The following STAMBP variants were observed in gnomAD, a reference collection of about 807,000 sequenced individuals.
STAMBP encodes the protein STAM-binding protein.
A neutral mutation model predicts 50.7 loss-of-function variants in STAMBP; 31 were observed. The ratio of observed to expected loss-of-function variants is 0.61; its 90% CI spans 0.46 to 0.83. STAMBP has a LOEUF of 0.83. STAMBP is among the 40% of genes least tolerant of loss of function. The pLI, the probability that STAMBP is intolerant of heterozygous loss-of-function variation, is 0.00. For synonymous variants in STAMBP, 211 were observed against 192.4 expected, an observed-to-expected ratio of 1.10 and a Z score of -0.80; for missense variants, 472 against 518.9, an observed-to-expected ratio of 0.91 and a Z score of 0.88.
downstream of STAMBP, among the ~76,000 whole-genome samples, chr2:73,871,641 C>G (rs899430911): frequency 2.0e-5 from 3 of 151,988 alleles, no homozygotes; most frequent in South Asian, 4.1e-4. Context: ...CCATTGTCAT[C>G]AAGGCTAATT....
rs1301669549 is a variant in STAMBP at position 73,850,873 on chromosome 2, A to C, written c.1005+360A>C. Among the ~76,000 whole-genome samples the C allele has an allele frequency of 6.6e-6, 1 of 152,190 alleles. No individual in the cohort carries two copies. The highest frequency in any genetic ancestry group is 1.5e-5 in the Non-Finnish European group (1 of 68,028). On this transcript the variant is annotated intron_variant, in intron 7 of 9. Transcript: ENST00000394070. This position sits in a 1 kb window ranked among gnomAD's most constrained non-coding sequence, Gnocchi z 4.3. ...CAGATGATGTTCCTTAAAGGTATAT[A>C]ATTCAAAATATTTTAAATGAGCCAA...
chr2:73,860,826 T>G (rs940087698), intron 9 of STAMBP, among the ~76,000 whole-genome samples: 1 of 152,138 alleles, frequency 6.6e-6, no homozygotes, highest in Non-Finnish European at 1.5e-5. Flanking sequence ...GAAAAGGGAC[T>G]AAGAACCTTG....
rs1674416702 is a variant in STAMBP, at chr2:73,834,237, ATATATATATATATATATATATATATATAT to A, written c.203+3179_203+3207del. 8.0e-4 allele frequency among the ~76,000 whole-genome samples: 9 copies of A among 11,216 alleles called. 1 individual carries two copies. Among genetic ancestry groups the A allele is most frequent in the South Asian group, 9.0e-3 (2 of 222 alleles). 7.4% of individuals were successfully genotyped at this position (11,216 alleles called of 152,430 possible). On this transcript the variant is annotated intron_variant, in intron 2 of 9. Coordinates refer to ENST00000394070, the MANE Select transcript of STAMBP (RefSeq NM_213622.4). Reference sequence around the variant, plus strand: ...AAAAAAAAAAAAAAAAAAAAAAAAAATATATATATATATATATATATATATATATATATATATATATATATATATAAAGT... The same window carrying A: ...AAAAAAAAAAAAAAAAAAAAAAAAAAATATATATATATATATATATAAAGT...
intron 7 of STAMBP, among the ~76,000 whole-genome samples, chr2:73,856,608 G>A (rs986234361): frequency 1.3e-5 from 2 of 152,148 alleles, no homozygotes; most frequent in African/African-American, 4.8e-5. Context: ...AATTGTTGAG[G>A]ACACCCACCT....
intron 5 of STAMBP, 84 bp from the exon 6 acceptor site, chr2:73,849,279 G>T: frequency 1.2e-6 from 2 of 1,600,780 alleles, no homozygotes; most frequent in Non-Finnish European, 1.7e-6. Flanking sequence ...GCTTAATGTT[G>T]CTCCTCCAGG....
At position 73,860,074 on chromosome 2, in the gene STAMBP, G is replaced by T; in HGVS notation, c.1141G>T (p.Asp381Tyr). The T allele has an allele frequency of 6.2e-7, 1 of 1,611,354 alleles. No individual in the cohort carries two copies. The highest frequency in any genetic ancestry group is 8.5e-7 in the Non-Finnish European group (1 of 1,179,898). ...FQETGFFKLT[D>Y]HGLEEISSCR... ...CAGAACTGGATTCTTTAAACTAACT[G>T]ACCATGGACTAGAGGAGATTTCTTC... is the stretch of plus-strand genomic sequence containing the variant. The change falls in exon 9 of 10, where the codon GAC (aspartate) becomes TAC (tyrosine). Residue 381 changes from aspartate to tyrosine, a missense_variant. Physicochemically the swap from Asp to Tyr is radical, Grantham distance 160. Coordinates refer to ENST00000394070, the MANE Select transcript of STAMBP (RefSeq NM_213622.4).
rs1481616575 is a variant in STAMBP, at chr2:73,864,419, G to C, written c.*2160G>C. 6.6e-6 allele frequency: 1 copy of C among 152,146 alleles called. No individual in the cohort carries two copies. Among genetic ancestry groups the C allele is most frequent in the Non-Finnish European group, 1.5e-5 (1 of 68,038 alleles). 9.4% of individuals were successfully genotyped at this position (152,146 alleles called of 1,614,324 possible). On this transcript the variant is annotated 3_prime_UTR_variant, in exon 10 of 10. Coordinates refer to ENST00000394070, the MANE Select transcript of STAMBP (RefSeq NM_213622.4). ...CCCTCTTCATATCTGCTGCAGCCTAGCCACTGCAGAGGCACTCTGCATAGG... is the reference window on the plus strand; with the variant it reads ...CCCTCTTCATATCTGCTGCAGCCTACCCACTGCAGAGGCACTCTGCATAGG...
At chr2:73,836,613 C>A (rs1674744093) in intron 2 of STAMBP, among the ~76,000 whole-genome samples, 1 of 152,234 alleles carries the variant, frequency 6.6e-6, no homozygotes, top group South Asian at 2.1e-4. Flanking sequence ...CTGGTGAGAA[C>A]ACTCCGCTTG....
rs185725011 is a variant in STAMBP at position 73,841,917 on chromosome 2, G to A, written c.204-2896G>A. Among the ~76,000 whole-genome samples the A allele has an allele frequency of 1.7e-3, 253 of 152,300 alleles. 4 individuals carry two copies. The highest frequency in any genetic ancestry group is 6.0e-3 in the Admixed American group (91 of 15,290). On this transcript the variant is annotated intron_variant, in intron 2 of 9. Coordinates refer to ENST00000394070, the MANE Select transcript of STAMBP (RefSeq NM_213622.4). ...CAGAAAACTGGCTACAGTTGTTGAA[G>A]CAAGGGAAAGCTATTCATGTACAGG...
chr2:73,862,370 G>A lies in STAMBP; in HGVS notation c.*111G>A. The A allele has an allele frequency of 1.2e-6, 1 of 820,002 alleles. No homozygotes were observed. The highest frequency in any genetic ancestry group is 1.8e-6 in the Non-Finnish European group (1 of 557,114). The allele number at this position is 820,002 out of a possible 1,614,324, so 50.8% of individuals were successfully genotyped here. On this transcript the variant is annotated 3_prime_UTR_variant, in exon 10 of 10. Transcript: ENST00000394070. The stretch of plus-strand genomic sequence containing the variant: ...GAAGTTTTTGTAGATAGTAGAAAGG[G>A]GGGCATCACCTGAGAAAGAGCTGAT...
chr2:73,836,951 C>T (rs570388429), intron 2 of STAMBP, among the ~76,000 whole-genome samples: 1 of 152,284 alleles, frequency 6.6e-6, no homozygotes, highest in East Asian at 1.9e-4. Flanking sequence ...CTGAGAATGC[C>T]TGAGATTTTC....
chr2:73,856,967 C>A (rs1677628989), intron 7 of STAMBP, among the ~76,000 whole-genome samples: 1 of 152,194 alleles, frequency 6.6e-6, no homozygotes, highest in African/African-American at 2.4e-5. Context: ...TAGCACACAC[C>A]AACCCCAGGG....
intron 5 of STAMBP, 39 bp from the exon 6 acceptor site, chr2:73,849,324 G>A (rs1400447129): frequency 6.2e-7 from 1 of 1,611,674 alleles, no homozygotes; most frequent in African/African-American, 1.3e-5. Context: ...AGGAGGCAGG[G>A]CTCAGTGGTC....
intron 2 of STAMBP, among the ~76,000 whole-genome samples, chr2:73,833,250 T>TA (rs1251942366): frequency 6.6e-6 from 1 of 152,222 alleles, no homozygotes; most frequent in Non-Finnish European, 1.5e-5. Context: ...ACCTAACTCT[T>TA]ATGTTAAGTT....
intron 9 of STAMBP, 131 bp downstream of exon 9, chr2:73,860,282 A>G (rs1345355079): frequency 1.4e-6 from 1 of 718,748 alleles, no homozygotes; most frequent in Non-Finnish European, 2.3e-6. Context: ...AGATCTCCAT[A>G]ATAAGGACGT....
chr2:73,872,884 T>C (rs17009433), intron 10 of STAMBP, among the ~76,000 whole-genome samples: 19,642 of 152,112 alleles, frequency 0.13, 1,496 homozygotes, highest in East Asian at 0.3. Context: ...AGGAATAAAG[T>C]AAAACACGTA....
At chr2:73,854,140 CA>C (rs1042533182) in intron 7 of STAMBP, among the ~76,000 whole-genome samples, 2 of 152,170 alleles carry the variant, frequency 1.3e-5, no homozygotes, top group African/African-American at 2.4e-5. Flanking sequence ...TTCATCTTCA[CA>C]GGGGGAAAAA....
At chr2:73,855,800 A>G (rs1349512195) in intron 7 of STAMBP, 9 of 402,140 alleles carry the variant, frequency 2.2e-5, no homozygotes, top group Non-Finnish European at 4.5e-5. Context: ...TCACTTAGTG[A>G]GCTTTCAAGA....
chr2:73,862,963 A>G lies in STAMBP; in HGVS notation c.*704A>G, dbSNP rs1319845796. The G allele has an allele frequency of 6.6e-6, 1 of 152,278 alleles. No homozygotes were observed. The highest frequency in any genetic ancestry group is 1.9e-4 in the East Asian group (1 of 5,204). 9.4% of individuals were successfully genotyped at this position (152,278 alleles called of 1,614,324 possible). A position where few individuals can be genotyped will look rare whatever the true frequency, so the allele number is the denominator to read the frequency against. ...AAAAAAAGGTATGGTTGTTTTGGAA[A>G]GGTGAAGGAAAAATGGAATTTGAGA... is the stretch of plus-strand genomic sequence containing the variant. On this transcript the variant is annotated 3_prime_UTR_variant, in exon 10 of 10. Transcript: ENST00000394070.
Sources: allele counts gnomAD v4.1 joint callset (sites outside exome capture counted in the v4.1 genomes callset), GRCh38; gene constraint gnomAD v4.1.1; non-coding constraint Gnocchi (gnomAD v3.1); transcripts MANE v1.5; gene names NCBI Gene and HGNC (gene_info 2026-07-23, HGNC 2026-07-21).